The following DYNC1LI1 variants were observed in gnomAD, a reference collection of about 807,000 sequenced individuals.
The protein encoded by DYNC1LI1 is dynein cytoplasmic 1 light intermediate chain 1.
DYNC1LI1 carries 19 observed loss-of-function variants against 63.8 expected under a neutral mutation model. That is an observed-to-expected ratio of 0.30 (90% CI 0.21 to 0.44). DYNC1LI1 has a LOEUF of 0.44. Ranked by LOEUF, DYNC1LI1 falls within the 20% of genes least tolerant of loss-of-function variation. The pLI is 1.00. For missense variants in DYNC1LI1, 565 were observed against 630.2 expected (o/e 0.90, Z 1.11); for synonymous variants, 225 against 232.3 (o/e 0.97, Z 0.28).
At chr3:32,560,684 C>G (rs1012441787) in intron 2 of DYNC1LI1, among the ~76,000 whole-genome samples, 1 of 151,914 alleles carries the variant, frequency 6.6e-6, no homozygotes, top group Non-Finnish European at 1.5e-5. Flanking sequence ...CTTACTCCCA[C>G]GGGCTGTCTA....
intron 2 of DYNC1LI1, among the ~76,000 whole-genome samples, chr3:32,564,333 G>GCAAA (rs917403348): frequency 2.3e-4 from 35 of 152,130 alleles, no homozygotes; most frequent in East Asian, 9.7e-4. Context: ...AAACAAACAA[G>GCAAA]CAAACAAACA....
At chr3:32,547,485 A>G (rs1234667912) in intron 2 of DYNC1LI1, among the ~76,000 whole-genome samples, 1 of 152,288 alleles carries the variant, frequency 6.6e-6, no homozygotes, top group Non-Finnish European at 1.5e-5. Context: ...AAAAACATAT[A>G]TGTCTTAAGT....
Position 32,527,428 on chromosome 3 carries a change from G to A in DYNC1LI1, c.1463-520C>T, listed in dbSNP as rs188532649. On this transcript the variant is annotated intron_variant, in intron 12 of 12. Transcript: ENST00000273130. ...AAAGGTTTTTTTTTTTAAGGCATAG[G>A]ACAATAAGAACGGTAAAACAGAAAA... is the stretch of plus-strand genomic sequence containing the variant. Among the ~76,000 whole-genome samples the A allele has an allele frequency of 4.6e-5, 7 of 151,598 alleles. No individual in the cohort carries two copies. In the East Asian group the frequency reaches 1.4e-3, roughly 29 times the overall value.
chr3:32,553,484 T>C (rs1013548984), intron 2 of DYNC1LI1, among the ~76,000 whole-genome samples: 4 of 152,168 alleles, frequency 2.6e-5, no homozygotes, highest in Non-Finnish European at 5.9e-5. Flanking sequence ...TAAAACTATA[T>C]TGTATATTAA....
At chr3:32,540,021 C>G (rs1284521335) in intron 5 of DYNC1LI1, among the ~76,000 whole-genome samples, 1 of 150,218 alleles carries the variant, frequency 6.7e-6, no homozygotes, top group Non-Finnish European at 1.5e-5. Flanking sequence ...CCCGCCACCA[C>G]GCCTGGCTAA....
chr3:32,543,676 G>T (rs1044055183), intron 4 of DYNC1LI1, among the ~76,000 whole-genome samples: 3 of 151,242 alleles, frequency 2.0e-5, no homozygotes, highest in Non-Finnish European at 2.9e-5. Flanking sequence ...AAAGCGCTGG[G>T]ATTACAGGCG....
chr3:32,546,740 G>C (rs373896391), intron 2 of DYNC1LI1, among the ~76,000 whole-genome samples: 2 of 152,192 alleles, frequency 1.3e-5, no homozygotes, highest in African/African-American at 4.8e-5. Flanking sequence ...CTGTACATCA[G>C]GACAGGGAAC....
intron 2 of DYNC1LI1, among the ~76,000 whole-genome samples, chr3:32,553,650 A>T (rs1575157060): frequency 6.6e-6 from 1 of 152,186 alleles, no homozygotes. Flanking sequence ...TCTCTACAGA[A>T]GCAGCAAGCA....
intron 12 of DYNC1LI1, among the ~76,000 whole-genome samples, chr3:32,527,539 G>A (rs919812520): frequency 7.9e-5 from 12 of 151,996 alleles, no homozygotes; most frequent in East Asian, 3.9e-4. Flanking sequence ...ATGGAGAAAC[G>A]AACTTTCCTA....
At chr3:32,570,092 G>A in intron 2 of DYNC1LI1, 1 of 626,664 alleles carries the variant, frequency 1.6e-6, no homozygotes, top group East Asian at 3.0e-5. Context: ...TCCTTCCCAG[G>A]GGAAGCTGTC....
At chr3:32,561,571 G>GTGA (rs1698194811) in intron 2 of DYNC1LI1, among the ~76,000 whole-genome samples, 1 of 152,004 alleles carries the variant, frequency 6.6e-6, no homozygotes, top group South Asian at 2.1e-4. Flanking sequence ...AGAGGTTGTA[G>GTGA]TGAGGCAAGA....
intron 5 of DYNC1LI1, among the ~76,000 whole-genome samples, chr3:32,540,317 T>C (rs1697862705): frequency 1.3e-5 from 2 of 152,184 alleles, no homozygotes; most frequent in South Asian, 4.1e-4. Flanking sequence ...CTTTATATAA[T>C]GAGTGCTGCT....
In DYNC1LI1 at chr3:32,534,504, C is replaced by T; in HGVS notation, c.968+7G>A. On this transcript the variant is annotated splice_region_variant and intron_variant, in intron 7 of 12. Coordinates refer to ENST00000273130, the MANE Select transcript of DYNC1LI1 (RefSeq NM_016141.4). Reference sequence around the variant, plus strand: ...TGATAAAATTATATATTTAAGAGTACACTTACATAAATACTGCATCCTTTT... The same window carrying T: ...TGATAAAATTATATATTTAAGAGTATACTTACATAAATACTGCATCCTTTT... 1 of 1,558,602 alleles carries T rather than the reference C, an allele frequency of 6.4e-7. No individual in the cohort carries two copies. The highest frequency in any genetic ancestry group is 1.2e-5 in the South Asian group (1 of 86,124).
chr3:32,528,112 CAAAAAAAAAAAAAA>C (rs60912161), intron 12 of DYNC1LI1, among the ~76,000 whole-genome samples: 120 of 29,904 alleles, frequency 4.0e-3, no homozygotes, highest in African/African-American at 8.5e-3. Flanking sequence ...GACTCCATCT[CAAAAAAAAAAAAAA>C]AAAAAAAAAA....
At chr3:32,527,445 A>G (rs1697636021) in intron 12 of DYNC1LI1, among the ~76,000 whole-genome samples, 1 of 152,176 alleles carries the variant, frequency 6.6e-6, no homozygotes, top group African/African-American at 2.4e-5. Flanking sequence ...AGAACGGTAA[A>G]ACAGAAAATA....
intron 2 of DYNC1LI1, among the ~76,000 whole-genome samples, chr3:32,563,457 A>AAT (rs1698219381): frequency 6.6e-6 from 1 of 151,748 alleles, no homozygotes; most frequent in African/African-American, 2.4e-5. Context: ...ACACCTGGCT[A>AAT]ATTTTTCTGT....
chr3:32,556,726 G>C (rs1244969548), intron 2 of DYNC1LI1, among the ~76,000 whole-genome samples: 2 of 152,090 alleles, frequency 1.3e-5, no homozygotes, highest in East Asian at 3.9e-4. Context: ...ATTTTTTGTA[G>C]AGATGGGGTC....
rs1183502089 is a variant in DYNC1LI1 at position 32,537,982 on chromosome 3, A to T, written c.739-878T>A. Reference sequence around the variant, plus strand: ...ATATAATATATATATATTTATATATAATATATATATATAATTTATATATAT... The same window carrying T: ...ATATAATATATATATATTTATATATTATATATATATATAATTTATATATAT... On this transcript the variant is annotated intron_variant, in intron 5 of 12. Transcript: ENST00000273130. Among the ~76,000 whole-genome samples, 23 of 34,286 alleles carry T rather than the reference A, an allele frequency of 6.7e-4. 1 individual carries two copies. Among genetic ancestry groups the T allele is most frequent in the South Asian group, 9.4e-4 (2 of 2,118 alleles). The allele number at this position is 34,286 out of a possible 152,430, so 22.5% of individuals were successfully genotyped here.
At position 32,541,153 on chromosome 3, in the gene DYNC1LI1, G is replaced by T. The variant is rs267599769; in HGVS notation, c.622C>A (p.Pro208Thr). The change falls in exon 5 of 13, where the codon CCC (proline) becomes ACC (threonine). Residue 208 changes from proline to threonine, a missense_variant. Physicochemically the swap from Pro to Thr is conservative, Grantham distance 38. Transcript: ENST00000273130. ...TGTGACGCAGTATTTCTTCTCTGGG[G>T]AGAAGCCGGGAAGTCTTCTCCTGGC... ...VEPGEDFPASPQRRNTASQED... is the reference protein window; with the variant it reads ...VEPGEDFPASTQRRNTASQED... The T allele has an allele frequency of 6.2e-7, 1 of 1,613,074 alleles. No individual in the cohort carries two copies. The highest frequency in any genetic ancestry group is 1.7e-5 in the Admixed American group (1 of 59,914).
Sources: gnomAD v4.1 joint callset for allele counts (sites outside exome capture counted in the v4.1 genomes callset) on GRCh38, gnomAD v4.1.1 for gene constraint, MANE v1.5 for transcripts, NCBI Gene and HGNC (gene_info 2026-07-23, HGNC 2026-07-21) for gene names.